Variants in PTPRT observed in about 807,000 individuals in gnomAD.
PTPRT encodes receptor-type tyrosine-protein phosphatase T.
Under a neutral mutation model 176.8 loss-of-function variants are expected in PTPRT, and 56 were observed. That is an observed-to-expected ratio of 0.32 (90% CI 0.26 to 0.40). The LOEUF (loss-of-function observed/expected upper bound fraction) is 0.40, where lower values mean the gene tolerates loss of function less well. PTPRT is among the 10% of genes least tolerant of loss of function. PTPRT has a pLI of 1.00. For missense variants in PTPRT, 1,540 were observed against 1,908.2 expected (o/e 0.81, Z 3.60); for synonymous variants, 783 against 739.0 (o/e 1.06, Z -0.96).
intron 21 of PTPRT, 46 bp downstream of exon 21, chr20:42,118,357 T>C (rs1376685253): frequency 1.0e-5 from 15 of 1,491,374 alleles, no homozygotes; most frequent in Non-Finnish European, 1.4e-5. Context: ...TGTTCGAGAG[T>C]GCATCTCCAG....
intron 11 of PTPRT, among the ~76,000 whole-genome samples, chr20:42,325,891 A>T (rs2057874642): frequency 6.6e-6 from 1 of 152,072 alleles, no homozygotes; most frequent in Non-Finnish European, 1.5e-5. Flanking sequence ...TTCCCTGAAC[A>T]CCCCACACAC....
intron 11 of PTPRT, among the ~76,000 whole-genome samples, chr20:42,321,461 T>C (rs183648466): frequency 5.3e-5 from 8 of 152,304 alleles, no homozygotes; most frequent in Admixed American, 1.3e-4. Flanking sequence ...TATTCTGATA[T>C]TTATACCTGT....
At chr20:42,296,159 C>T (rs1241544641) in intron 12 of PTPRT, among the ~76,000 whole-genome samples, 4 of 152,248 alleles carry the variant, frequency 2.6e-5, no homozygotes, top group Admixed American at 6.5e-5. Flanking sequence ...ATTAAGAGTG[C>T]TAAATAGGCC....
In PTPRT at chr20:42,861,553, A is replaced by T. The variant is rs7347724; in HGVS notation, c.214+24254T>A. Among the ~76,000 whole-genome samples, 1,092 of 152,000 alleles carry T rather than the reference A, an allele frequency of 7.2e-3. 17 individuals are homozygous for T. Among genetic ancestry groups the T allele is most frequent in the African/African-American group, 0.025 (1,039 of 41,386 alleles). On this transcript the variant is annotated intron_variant, in intron 2 of 30. Coordinates refer to ENST00000373187, the MANE Select transcript of PTPRT (RefSeq NM_007050.6). ...CTAGACACTGAGATCAGAACACATT[A>T]AAAAAAACTAAATAAAACAAAACAG...
intron 1 of PTPRT, among the ~76,000 whole-genome samples, chr20:42,961,504 C>T (rs778518757): frequency 6.6e-6 from 1 of 152,146 alleles, no homozygotes; most frequent in South Asian, 2.1e-4. Context: ...TGAGTGTCCT[C>T]GAACAGAGGA....
intron 13 of PTPRT, among the ~76,000 whole-genome samples, chr20:42,276,042 A>G (rs992486935): frequency 6.6e-6 from 1 of 152,080 alleles, no homozygotes. Flanking sequence ...CTTTCCTCTC[A>G]CAAGTGATTC....
intron 1 of PTPRT, among the ~76,000 whole-genome samples, chr20:43,030,319 T>A (rs1246860969): frequency 6.6e-6 from 1 of 152,192 alleles, no homozygotes; most frequent in Non-Finnish European, 1.5e-5. Context: ...CTCTGTCTTC[T>A]CTATCAGGAG....
chr20:42,966,336 G>GT (rs1192828486), intron 1 of PTPRT: 1 of 152,138 alleles, frequency 6.6e-6, no homozygotes, highest in Non-Finnish European at 1.5e-5. Context: ...AACGAGGCTG[G>GT]TAATATTTCA....
chr20:42,345,823 GA>G (rs971605318), intron 11 of PTPRT, among the ~76,000 whole-genome samples: 7 of 152,012 alleles, frequency 4.6e-5, no homozygotes, highest in African/African-American at 1.7e-4. Flanking sequence ...GGTCACTGTT[GA>G]GTAAAACCTG....
At chr20:42,133,089 A>T (rs948307493) in intron 18 of PTPRT, among the ~76,000 whole-genome samples, 2 of 152,212 alleles carry the variant, frequency 1.3e-5, no homozygotes. Context: ...AATTTTTGGT[A>T]CAGTGTTCAA....
At position 43,188,753 on chromosome 20, in the gene PTPRT, G is replaced by GGT. The variant is rs1555845648; in HGVS notation, c.88+892_88+893insAC. 2.7e-5 allele frequency among the ~76,000 whole-genome samples: 4 copies of GGT among 150,498 alleles called. 1 individual carries two copies. Among genetic ancestry groups the GGT allele is most frequent in the Admixed American group, 6.6e-5 (1 of 15,068 alleles). ...TCTTCCCTCCGCCGCTACTCTTGGG[G>GGT]GGGGGGGGGCTCGGGGGTGGAAGCT... is the stretch of plus-strand genomic sequence containing the variant. On this transcript the variant is annotated intron_variant, in intron 1 of 30. Transcript: ENST00000373187.
At chr20:42,261,678 A>G (rs1000735789) in intron 13 of PTPRT, among the ~76,000 whole-genome samples, 3 of 152,054 alleles carry the variant, frequency 2.0e-5, no homozygotes, top group African/African-American at 4.8e-5. Context: ...CTGGAAGGAT[A>G]ATATGTCTCA....
intron 9 of PTPRT, among the ~76,000 whole-genome samples, chr20:42,443,472 T>C (rs1247442378): frequency 6.6e-6 from 1 of 152,238 alleles, no homozygotes; most frequent in African/African-American, 2.4e-5. Flanking sequence ...GATCATAGAA[T>C]TGCATTCTGC....
chr20:42,985,710 T>C (rs1191549065), intron 1 of PTPRT, among the ~76,000 whole-genome samples: 1 of 151,914 alleles, frequency 6.6e-6, no homozygotes, highest in African/African-American at 2.4e-5. Context: ...TAAAAGTAGA[T>C]CAGAGGTAAA....
chr20:42,570,159 G>C (rs1341907693), intron 7 of PTPRT, among the ~76,000 whole-genome samples: 2 of 152,152 alleles, frequency 1.3e-5, no homozygotes, highest in African/African-American at 4.8e-5. Context: ...TGTGTCGTCA[G>C]TGTCTGGGGC....
chr20:42,726,236 C>G (rs548968572), intron 6 of PTPRT, among the ~76,000 whole-genome samples: 1 of 152,166 alleles, frequency 6.6e-6, no homozygotes, highest in Admixed American at 6.5e-5. Context: ...CACATCAGCA[C>G]ACTTGGCTAA....
At position 43,189,149 on chromosome 20, in the gene PTPRT, T is replaced by C. The variant is rs2015472502; in HGVS notation, c.88+497A>G. ...AGCGTGTTCAGAGCAAATGGAGAGC[T>C]TCCTGTATCTCCGAGGAAAAAAGAA... is the stretch of plus-strand genomic sequence containing the variant. On this transcript the variant is annotated intron_variant, in intron 1 of 30. Coordinates refer to ENST00000373187, the MANE Select transcript of PTPRT (RefSeq NM_007050.6). The surrounding 1 kb of genome is among the most constrained non-coding windows in gnomAD (Gnocchi z 5.0). Among the ~76,000 whole-genome samples the C allele has an allele frequency of 6.6e-6, 1 of 152,026 alleles. No homozygotes were observed. Among genetic ancestry groups the C allele is most frequent in the Non-Finnish European group, 1.5e-5 (1 of 68,004 alleles).
chr20:42,458,321 A>T (rs1029518715), intron 8 of PTPRT, among the ~76,000 whole-genome samples: 7 of 152,204 alleles, frequency 4.6e-5, no homozygotes, highest in Non-Finnish European at 1.0e-4. Context: ...GTATTGTAGA[A>T]TTAAACAATG....
At position 42,468,337 on chromosome 20, in the gene PTPRT, G is replaced by A. The variant is rs978486172; in HGVS notation, c.1450+3929C>T. 3.3e-5 allele frequency among the ~76,000 whole-genome samples: 5 copies of A among 152,162 alleles called. 1 individual carries two copies. The highest frequency in any genetic ancestry group is 1.2e-4 in the African/African-American group (5 of 41,442). ...GCCTCATCTTGTCCTTGAGGTGAAC[G>A]AGTTACCCAGCCAACAGAAGTGGTG... is the stretch of plus-strand genomic sequence containing the variant. On this transcript the variant is annotated intron_variant, in intron 8 of 30. Coordinates refer to ENST00000373187, the MANE Select transcript of PTPRT (RefSeq NM_007050.6).
Sources: allele counts gnomAD v4.1 joint callset (sites outside exome capture counted in the v4.1 genomes callset), GRCh38; gene constraint gnomAD v4.1.1; non-coding constraint Gnocchi (gnomAD v3.1); transcripts MANE v1.5; gene names NCBI Gene and HGNC (gene_info 2026-07-23, HGNC 2026-07-21).